WDR1: variants seen among roughly 807,000 people sequenced by gnomAD.
WDR1 encodes the protein WD repeat-containing protein 1.
WDR1 carries 21 observed loss-of-function variants against 71.9 expected under a neutral mutation model. The ratio of observed to expected loss-of-function variants is 0.29; its 90% CI spans 0.21 to 0.42. WDR1 has a LOEUF of 0.42. Ranked by LOEUF, WDR1 falls within the 10% of genes least tolerant of loss-of-function variation. WDR1 has a pLI of 1.00. For synonymous variants in WDR1, 424 were observed against 347.4 expected, an observed-to-expected ratio of 1.22 and a Z score of -2.45; for missense variants, 696 against 824.5, an observed-to-expected ratio of 0.84 and a Z score of 1.91.
chr4:10,103,322 A>G (rs1712820086), intron 3 of WDR1, among the ~76,000 whole-genome samples: 1 of 139,544 alleles, frequency 7.2e-6, no homozygotes, highest in Non-Finnish European at 1.6e-5. Flanking sequence ...ACACACACAC[A>G]CGGCCCACAA....
At position 10,092,982 on chromosome 4, in the gene WDR1, G is replaced by T; in HGVS notation, c.559-4241C>A. On this transcript the variant is annotated intron_variant, in intron 5 of 14. Transcript: ENST00000499869. ...GCCAACACATAGCCAAGACTGACCTGTATCAACGAGCCCCCCTCCCCACAG... is the reference window on the plus strand; with the variant it reads ...GCCAACACATAGCCAAGACTGACCTTTATCAACGAGCCCCCCTCCCCACAG... 11 of 1,111,518 alleles carry T rather than the reference G, an allele frequency of 9.9e-6. No individual in the cohort carries two copies. The South Asian group carries it at 1.2e-4, about 12-fold the overall frequency. 68.9% of individuals were successfully genotyped at this position (1,111,518 alleles called of 1,614,324 possible).
chr4:10,089,016 C>T (rs879550414), intron 5 of WDR1, among the ~76,000 whole-genome samples: 5 of 152,196 alleles, frequency 3.3e-5, no homozygotes, highest in African/African-American at 9.6e-5. Context: ...ATGCCCCCCC[C>T]AGTGAGGTGC....
chr4:10,106,190 G>C (rs1713004966), intron 2 of WDR1, among the ~76,000 whole-genome samples: 1 of 152,094 alleles, frequency 6.6e-6, no homozygotes, highest in African/African-American at 2.4e-5. Context: ...GGACTATATA[G>C]GTCATCTGTC....
At chr4:10,079,841 G>A (rs1004414000) in intron 11 of WDR1, among the ~76,000 whole-genome samples, 7 of 152,162 alleles carry the variant, frequency 4.6e-5, no homozygotes, top group Non-Finnish European at 8.8e-5. Flanking sequence ...TCATCTGCCC[G>A]GCTCTGGAGG....
intron 2 of WDR1, among the ~76,000 whole-genome samples, chr4:10,113,236 C>A (rs1713501260): frequency 1.3e-5 from 2 of 152,156 alleles, no homozygotes; most frequent in African/African-American, 4.8e-5. Flanking sequence ...TGGCACGTAC[C>A]TGTAGTCCCC....
chr4:10,088,621 C>T, intron 6 of WDR1, 43 bp downstream of exon 6: 2 of 1,513,822 alleles, frequency 1.3e-6, no homozygotes, highest in South Asian at 1.2e-5. Flanking sequence ...CGGGAGCAGG[C>T]AGACAAGCCA....
chr4:10,110,031 G>A (rs1713256423), intron 2 of WDR1, among the ~76,000 whole-genome samples: 1 of 149,514 alleles, frequency 6.7e-6, no homozygotes, highest in Non-Finnish European at 1.5e-5. Context: ...CCACAGACCA[G>A]CACAAAATAC....
At chr4:10,093,757 C>T (rs1010858366) in intron 5 of WDR1, among the ~76,000 whole-genome samples, 2 of 152,112 alleles carry the variant, frequency 1.3e-5, no homozygotes, top group Non-Finnish European at 2.9e-5. Flanking sequence ...GGAGGGGTGG[C>T]GCGTGCTGAA....
chr4:10,111,464 C>T (rs1713358657), intron 2 of WDR1, among the ~76,000 whole-genome samples: 1 of 152,204 alleles, frequency 6.6e-6, no homozygotes, highest in Non-Finnish European at 1.5e-5. Context: ...CCTGGCTCTG[C>T]ACCTGGCAGG....
chr4:10,085,610 A>G (rs962968526), intron 8 of WDR1, among the ~76,000 whole-genome samples: 1 of 152,258 alleles, frequency 6.6e-6, no homozygotes, highest in Non-Finnish European at 1.5e-5. Flanking sequence ...ACTTGTGTGC[A>G]GGCTCAATGC....
intron 7 of WDR1, 47 bp from the exon 8 acceptor site, chr4:10,087,987 G>A: frequency 2.0e-6 from 3 of 1,495,490 alleles, no homozygotes; most frequent in Non-Finnish European, 2.7e-6. Flanking sequence ...ACTACAGACT[G>A]GAGAGAGACC....
At chr4:10,088,417 C>A (rs1711736769) in intron 6 of WDR1, 44 bp from the exon 7 acceptor site, 11 of 1,523,192 alleles carry the variant, frequency 7.2e-6, no homozygotes, top group African/African-American at 1.4e-5. Context: ...GTGTGAACAC[C>A]CTCTGGAGTA....
chr4:10,076,864 AATG>A (rs1228261096), intron 14 of WDR1: 8 of 168,286 alleles, frequency 4.8e-5, no homozygotes, highest in African/African-American at 1.9e-4. Context: ...CTCAGGGAGA[AATG>A]ATGACATGCG....
intron 3 of WDR1, among the ~76,000 whole-genome samples, chr4:10,103,287 CAG>C (rs764305046): frequency 0.022 from 643 of 28,964 alleles, 2 homozygotes; most frequent in Middle Eastern, 0.05. Flanking sequence ...CACACACACA[CAG>C]ACACACACAC....
chr4:10,111,176 C>T (rs1713331505), intron 2 of WDR1, among the ~76,000 whole-genome samples: 1 of 152,226 alleles, frequency 6.6e-6, no homozygotes, highest in African/African-American at 2.4e-5. Flanking sequence ...CAGTGGCCTT[C>T]AGAGCAGGGC....
intron 2 of WDR1, 132 bp downstream of exon 2, chr4:10,115,981 C>A: frequency 7.8e-7 from 1 of 1,287,576 alleles, no homozygotes; most frequent in East Asian, 2.6e-5. Flanking sequence ...GTGTGGCTCC[C>A]GGTAGAGGGG....
At chr4:10,108,750 C>T (rs537291732) in intron 2 of WDR1, among the ~76,000 whole-genome samples, 26 of 152,350 alleles carry the variant, frequency 1.7e-4, no homozygotes, top group African/African-American at 4.3e-4. Flanking sequence ...GACAACACAA[C>T]GCCTTCTCCT....
At chr4:10,107,190 G>A (rs1468716692) in intron 2 of WDR1, among the ~76,000 whole-genome samples, 2 of 152,074 alleles carry the variant, frequency 1.3e-5, no homozygotes, top group Non-Finnish European at 2.9e-5. Flanking sequence ...GCCCACTCAG[G>A]GACACCCCTC....
intron 4 of WDR1, 65 bp from the exon 5 acceptor site, chr4:10,097,956 A>T (rs1712454192): frequency 6.9e-7 from 1 of 1,448,812 alleles, no homozygotes; most frequent in African/African-American, 1.4e-5. Flanking sequence ...GAAGGCTGGT[A>T]AGCAATCTGA....
Sources: allele counts gnomAD v4.1 joint callset (sites outside exome capture counted in the v4.1 genomes callset), GRCh38; gene constraint gnomAD v4.1.1; transcripts MANE v1.5; gene names NCBI Gene and HGNC (gene_info 2026-07-23, HGNC 2026-07-21).